The following DLGAP2 variants were observed in gnomAD, a reference collection of about 807,000 sequenced individuals.
DLGAP2 encodes the protein DLG associated protein 2, also known as disks large-associated protein 2.
In DLGAP2, 26 loss-of-function variants were observed where a neutral mutation model predicts 100.3. The ratio of observed to expected loss-of-function variants is 0.26; its 90% CI spans 0.19 to 0.36. The LOEUF is 0.36. Ranked by LOEUF, DLGAP2 falls within the 10% of genes least tolerant of loss-of-function variation. DLGAP2 has a pLI of 1.00. For synonymous variants in DLGAP2, 886 were observed against 630.1 expected, an observed-to-expected ratio of 1.41 and a Z score of -6.08; for missense variants, 1,858 against 1,453.2, an observed-to-expected ratio of 1.28 and a Z score of -4.53.
At chr8:971,946 G>A (rs139038061) in intron 2 of DLGAP2, among the ~76,000 whole-genome samples, 9 of 152,214 alleles carry the variant, frequency 5.9e-5, no homozygotes, top group East Asian at 3.9e-4. Context: ...AGCATTGTTC[G>A]GTGGCTCTTT....
intron 8 of DLGAP2, among the ~76,000 whole-genome samples, chr8:1,634,852 A>C (rs749193101): frequency 6.6e-6 from 1 of 152,166 alleles, no homozygotes; most frequent in Non-Finnish European, 1.5e-5. Context: ...TAAAATTTTA[A>C]TTTATATATA....
intron 2 of DLGAP2, among the ~76,000 whole-genome samples, chr8:1,008,261 A>G (rs56691956): frequency 6.6e-6 from 1 of 152,170 alleles, no homozygotes; most frequent in African/African-American, 2.4e-5. Context: ...AGGCCATTTG[A>G]AAACTGGCTT....
At chr8:1,445,755 T>A (rs1797968531) in intron 3 of DLGAP2, among the ~76,000 whole-genome samples, 1 of 152,256 alleles carries the variant, frequency 6.6e-6, no homozygotes, top group Admixed American at 6.5e-5. Flanking sequence ...GCACCTGTTG[T>A]TTCCTGACTT....
chr8:1,382,924 C>CGT (rs148803226), intron 3 of DLGAP2, among the ~76,000 whole-genome samples: 19 of 150,944 alleles, frequency 1.3e-4, no homozygotes, highest in African/African-American at 3.4e-4. Flanking sequence ...TGTGTGTGTG[C>CGT]GTGTGTGTGT....
At chr8:1,282,450 C>A (rs1332528371) in intron 3 of DLGAP2, among the ~76,000 whole-genome samples, 4 of 128,348 alleles carry the variant, frequency 3.1e-5, no homozygotes, top group African/African-American at 1.1e-4. Flanking sequence ...TGACCTGAAC[C>A]CAGCACATGA....
chr8:1,340,963 C>G (rs1474260610), intron 3 of DLGAP2, among the ~76,000 whole-genome samples: 1 of 152,162 alleles, frequency 6.6e-6, no homozygotes, highest in Non-Finnish European at 1.5e-5. Context: ...GCCATTATCC[C>G]TAGCAAACTA....
At chr8:1,128,935 G>T (rs911140514) in intron 2 of DLGAP2, among the ~76,000 whole-genome samples, 1 of 152,142 alleles carries the variant, frequency 6.6e-6, no homozygotes, top group African/African-American at 2.4e-5. Context: ...AGGCAGGGTG[G>T]CCGGTGTGTG....
chr8:865,536 T>A (rs1256299226), intron 1 of DLGAP2, among the ~76,000 whole-genome samples: 1 of 152,232 alleles, frequency 6.6e-6, no homozygotes, highest in Non-Finnish European at 1.5e-5. Flanking sequence ...TTGTGTGACT[T>A]CCAAAATCTA....
intron 4 of DLGAP2, among the ~76,000 whole-genome samples, chr8:1,506,114 A>G (rs75063815): frequency 0.018 from 2,769 of 152,318 alleles, 100 homozygotes; most frequent in African/African-American, 0.064. Context: ...ATAATAGAAC[A>G]TCAGCTAGCA....
Position 1,691,744 on chromosome 8 carries a change from G to A in DLGAP2, c.2796+118G>A, listed in dbSNP as rs1188751837. 7 of 903,602 alleles carry A rather than the reference G, an allele frequency of 7.7e-6. No homozygotes were observed. The East Asian group carries it at 1.9e-4, about 24-fold the overall frequency. 56.0% of individuals were successfully genotyped at this position (903,602 alleles called of 1,614,324 possible). A position where few individuals can be genotyped will look rare whatever the true frequency, so the allele number is the denominator to read the frequency against. ...TTCCCATCGGTATGCGGAATATCAC[G>A]TGCACTTACTACAGAAGAGGCTTCC... On this transcript the variant is annotated intron_variant, in intron 13 of 14. Transcript: ENST00000637795.
At chr8:1,164,539 G>A (rs548669368) in intron 2 of DLGAP2, among the ~76,000 whole-genome samples, 15 of 152,114 alleles carry the variant, frequency 9.9e-5, no homozygotes, top group Admixed American at 4.6e-4. Context: ...CTCCCTTCCC[G>A]GTGGTGCCAC....
rs12114170 is a variant in DLGAP2 at position 1,620,403 on chromosome 8, G to A, written c.1443-6337G>A. On this transcript the variant is annotated intron_variant, in intron 6 of 14. Coordinates refer to ENST00000637795, the MANE Select transcript of DLGAP2 (RefSeq NM_001346810.2). ...GAGGCCTCCTCCACCTTTCTGCTGC[G>A]TGACACTCACAGCCCGACGTCTTCC... 9.2e-3 allele frequency: 1,398 copies of A among 152,366 alleles called. 20 individuals carry two copies. Among genetic ancestry groups the A allele is most frequent in the African/African-American group, 0.032 (1,329 of 41,490 alleles). 9.4% of individuals were successfully genotyped at this position (152,366 alleles called of 1,614,324 possible).
intron 7 of DLGAP2, among the ~76,000 whole-genome samples, chr8:1,630,693 C>T (rs1797619782): frequency 6.6e-6 from 1 of 151,100 alleles, no homozygotes; most frequent in African/African-American, 2.4e-5. Flanking sequence ...CAGAGCGAGA[C>T]TCCATCTCGA....
intron 1 of DLGAP2, among the ~76,000 whole-genome samples, chr8:900,556 C>T (rs112429250): frequency 3.3e-5 from 5 of 152,190 alleles, no homozygotes; most frequent in Non-Finnish European, 7.3e-5. Context: ...TAGTTTTAAA[C>T]CACATGGTAC....
chr8:872,601 T>A (rs1176217819), intron 1 of DLGAP2, among the ~76,000 whole-genome samples: 1 of 152,194 alleles, frequency 6.6e-6, no homozygotes, highest in Admixed American at 6.5e-5. Flanking sequence ...AGTGCTGGGA[T>A]TACAGGCGTG....
intron 6 of DLGAP2, among the ~76,000 whole-genome samples, chr8:1,596,385 C>G (rs927295332): frequency 1.3e-5 from 2 of 152,152 alleles, no homozygotes; most frequent in Non-Finnish European, 2.9e-5. Context: ...TGGGTATATA[C>G]CCAGTAATGG....
chr8:1,288,129 G>C (rs1473250940), intron 3 of DLGAP2, among the ~76,000 whole-genome samples: 4 of 136,880 alleles, frequency 2.9e-5, no homozygotes, highest in Admixed American at 7.5e-5. Flanking sequence ...AGGGGAACTA[G>C]TTTCGGTTGA....
intron 2 of DLGAP2, among the ~76,000 whole-genome samples, chr8:1,117,473 A>C (rs1158007516): frequency 1.3e-5 from 2 of 152,186 alleles, no homozygotes; most frequent in East Asian, 1.9e-4. Flanking sequence ...GATGCTTAGA[A>C]ATGAGGACTG....
At chr8:1,240,771 G>A (rs62487814) in intron 2 of DLGAP2, among the ~76,000 whole-genome samples, 4 of 16,260 alleles carry the variant, frequency 2.5e-4, no homozygotes, top group Non-Finnish European at 3.6e-4. Flanking sequence ...GTGTCTAGTT[G>A]TCTCACATGG....
Sources: allele counts gnomAD v4.1 joint callset (sites outside exome capture counted in the v4.1 genomes callset), GRCh38; gene constraint gnomAD v4.1.1; transcripts MANE v1.5; gene names NCBI Gene and HGNC (gene_info 2026-07-23, HGNC 2026-07-21).